Variants in ELF2 observed in about 807,000 individuals in gnomAD.
The protein encoded by ELF2 is E74 like ETS transcription factor 2.
In ELF2, 11 loss-of-function variants were observed where a neutral mutation model predicts 54.8. The observed-to-expected ratio is 0.20, with a 90% CI of 0.13 to 0.33. ELF2 has a LOEUF of 0.33. Ranked by LOEUF, ELF2 falls within the 10% of genes least tolerant of loss-of-function variation. ELF2 has a pLI of 1.00. For missense variants in ELF2, 513 were observed against 703.0 expected, an observed-to-expected ratio of 0.73 and a Z score of 3.06; for synonymous variants, 203 against 245.1, an observed-to-expected ratio of 0.83 and a Z score of 1.61.
At position 139,058,407 on chromosome 4, in the gene ELF2, G is replaced by GTGTATATATATATATATATA. The variant is rs1002583205; in HGVS notation, c.*575_*576insTATATATATATATATATACA. ...AGCTATATGATATATATATATGTAT[G>GTGTATATATATATATATATA]TATATATATATATATATATATATAA... is the stretch of plus-strand genomic sequence containing the variant. On this transcript the variant is annotated 3_prime_UTR_variant, in exon 10 of 10. Transcript: ENST00000686138. 23 of 142,146 alleles carry GTGTATATATATATATATATA rather than the reference G, an allele frequency of 1.6e-4. No individual in the cohort carries two copies. Among genetic ancestry groups the GTGTATATATATATATATATA allele is most frequent in the African/African-American group, 5.9e-4 (23 of 38,868 alleles). The allele number at this position is 142,146 out of a possible 1,614,324, so 8.8% of individuals were successfully genotyped here. A position where few individuals can be genotyped will look rare whatever the true frequency, so the allele number is the denominator to read the frequency against.
intron 1 of ELF2, among the ~76,000 whole-genome samples, chr4:139,141,921 G>T (rs1266719330): frequency 6.6e-6 from 1 of 151,794 alleles, no homozygotes; most frequent in Non-Finnish European, 1.5e-5. Context: ...ATTAGATAAG[G>T]TATACATAAA....
chr4:139,107,748 G>A (rs767777753), intron 4 of ELF2, among the ~76,000 whole-genome samples: 4 of 152,270 alleles, frequency 2.6e-5, no homozygotes, highest in Admixed American at 2.0e-4. Context: ...TTAGAAACAT[G>A]TGAATGTTGG....
intron 4 of ELF2, chr4:139,114,964 C>A: frequency 6.2e-7 from 1 of 1,613,644 alleles, no homozygotes; most frequent in Non-Finnish European, 8.5e-7. Flanking sequence ...CTTCTGCATG[C>A]CCCGGATCTT....
chr4:139,129,027 C>T (rs921617021), intron 3 of ELF2, among the ~76,000 whole-genome samples: 2 of 152,044 alleles, frequency 1.3e-5, no homozygotes, highest in African/African-American at 4.8e-5. Context: ...CAACCTCTGC[C>T]TCCCAGGTTC....
chr4:139,092,377 C>CATAAG lies in ELF2; in HGVS notation c.239-18811_239-18810insCTTAT, dbSNP rs1732701230. Reference sequence around the variant, plus strand: ...CTCCATCTCAGAAATCATAACGTAACATAACATAACATAACATAACATAAC... The same window carrying CATAAG: ...CTCCATCTCAGAAATCATAACGTAACATAAGATAACATAACATAACATAACATAAC... On this transcript the variant is annotated intron_variant, in intron 4 of 9. Coordinates refer to ENST00000686138, the MANE Select transcript of ELF2 (RefSeq NM_001331036.3). 2.9e-5 allele frequency among the ~76,000 whole-genome samples: 3 copies of CATAAG among 102,584 alleles called. 1 individual carries two copies. Among genetic ancestry groups the CATAAG allele is most frequent in the Non-Finnish European group, 6.0e-5 (3 of 50,020 alleles). The allele number at this position is 102,584 out of a possible 152,430, so 67.3% of individuals were successfully genotyped here.
At chr4:139,139,317 G>GA in intron 2 of ELF2, 96 bp downstream of exon 2, 1 of 633,664 alleles carries the variant, frequency 1.6e-6, no homozygotes. Flanking sequence ...ATCTTAAGAA[G>GA]AAAAAATAAT....
At chr4:139,127,907 G>A (rs1472512975) in intron 3 of ELF2, among the ~76,000 whole-genome samples, 1 of 151,322 alleles carries the variant, frequency 6.6e-6, no homozygotes, top group East Asian at 1.9e-4. Flanking sequence ...AAAGGTTGCA[G>A]TGAGACAGGA....
At chr4:139,164,049 TGAGA>T (rs973834746) in intron 1 of ELF2, among the ~76,000 whole-genome samples, 1 of 92,900 alleles carries the variant, frequency 1.1e-5, no homozygotes. Context: ...GAGGCAGGGG[TGAGA>T]GAGAAAGAGT....
chr4:139,149,861 T>G (rs1483755915), intron 1 of ELF2, among the ~76,000 whole-genome samples: 1 of 152,124 alleles, frequency 6.6e-6, no homozygotes, highest in Non-Finnish European at 1.5e-5. Flanking sequence ...CAGTTAAAAA[T>G]CCCAAGAGGG....
Position 139,072,054 on chromosome 4 carries a change from T to G in ELF2, c.353-15A>C. ...AAACACTTCCACTATAAAAAAAAGT[T>G]GAAAAATTAAAATTTCCCACCCCCA... On this transcript the variant is annotated splice_polypyrimidine_tract_variant and intron_variant, in intron 5 of 9. Coordinates refer to ENST00000686138, the MANE Select transcript of ELF2 (RefSeq NM_001331036.3). 6.2e-7 allele frequency: 1 copy of G among 1,605,954 alleles called. No homozygotes were observed. Among genetic ancestry groups the G allele is most frequent in the Non-Finnish European group, 8.5e-7 (1 of 1,178,212 alleles).
At chr4:139,102,797 T>C (rs1734035039) in intron 4 of ELF2, among the ~76,000 whole-genome samples, 1 of 147,332 alleles carries the variant, frequency 6.8e-6, no homozygotes. Context: ...GCTGAGATCA[T>C]GCCACTGCAC....
At position 139,084,447 on chromosome 4, in the gene ELF2, C is replaced by G; in HGVS notation, c.239-10880G>C. On this transcript the variant is annotated intron_variant, in intron 4 of 9. Coordinates refer to ENST00000686138, the MANE Select transcript of ELF2 (RefSeq NM_001331036.3). ...GGGGCGGCAGGGGCAGGGGCGGCGG[C>G]GGCGGCGGCGGCGGCTGTGGCTGTG... 86 of 1,142,034 alleles carry G rather than the reference C, an allele frequency of 7.5e-5. 9 individuals carry two copies. Among genetic ancestry groups the G allele is most frequent in the Admixed American group, 5.3e-4 (11 of 20,564 alleles). The allele number at this position is 1,142,034 out of a possible 1,614,324, so 70.7% of individuals were successfully genotyped here. A position where few individuals can be genotyped will look rare whatever the true frequency, so the allele number is the denominator to read the frequency against.
At chr4:139,158,060 G>C (rs1231061370) in intron 1 of ELF2, among the ~76,000 whole-genome samples, 2 of 152,190 alleles carry the variant, frequency 1.3e-5, no homozygotes, top group East Asian at 3.8e-4. Context: ...GGCGGGCTGA[G>C]TCCGAAGAAA....
intron 6 of ELF2, among the ~76,000 whole-genome samples, chr4:139,068,435 A>G (rs1729036644): frequency 1.3e-5 from 2 of 152,248 alleles, no homozygotes; most frequent in African/African-American, 4.8e-5. Flanking sequence ...AGAAGATCTG[A>G]TAATTTGCAA....
intron 4 of ELF2, 83 bp from the exon 5 acceptor site, chr4:139,073,650 C>T (rs1578702600): frequency 1.5e-6 from 1 of 651,968 alleles, no homozygotes. Context: ...AACATATTCA[C>T]TCCTGAAAGA....
Position 139,084,253 on chromosome 4 carries a change from G to A in ELF2, c.239-10686C>T, listed in dbSNP as rs749669748. ...TTACACCGTGAGCAGCGGCGGCAGG[G>A]GAGGAGGCGGAACCCGCGGCCGGAG... On this transcript the variant is annotated intron_variant, in intron 4 of 9. Transcript: ENST00000686138. The A allele has an allele frequency of 1.3e-5, 21 of 1,607,750 alleles. 1 individual carries two copies. In the South Asian group the frequency reaches 1.9e-4, roughly 14 times the overall value.
chr4:139,094,087 A>T (rs560986902), intron 4 of ELF2, among the ~76,000 whole-genome samples: 151 of 152,072 alleles, frequency 9.9e-4, no homozygotes, highest in Admixed American at 2.6e-3. Flanking sequence ...TTTAGTAGAG[A>T]CGGGGTTTCT....
intron 4 of ELF2, among the ~76,000 whole-genome samples, chr4:139,087,103 T>C (rs1210012445): frequency 6.6e-6 from 1 of 152,204 alleles, no homozygotes; most frequent in Non-Finnish European, 1.5e-5. Flanking sequence ...AGCTTAGGTG[T>C]GATCTGACTT....
chr4:139,084,422 G>A, intron 4 of ELF2: 1 of 1,281,538 alleles, frequency 7.8e-7, no homozygotes, highest in Non-Finnish European at 9.8e-7. Context: ...GGCAGGGGCA[G>A]GGGCGGCAGG....
Sources: allele counts gnomAD v4.1 joint callset (sites outside exome capture counted in the v4.1 genomes callset), GRCh38; gene constraint gnomAD v4.1.1; transcripts MANE v1.5; gene names NCBI Gene and HGNC (gene_info 2026-07-23, HGNC 2026-07-21).